ASB5: variants seen among roughly 807,000 people sequenced by gnomAD.
ASB5 encodes ankyrin repeat and SOCS box protein 5.
In ASB5, 45 loss-of-function variants were observed where a neutral mutation model predicts 42.1. The observed-to-expected ratio is 1.07, with a 90% confidence interval of 0.84 to 1.37. The LOEUF (loss-of-function observed/expected upper bound fraction) is 1.37, where lower values mean the gene tolerates loss of function less well. Among genes scored for constraint, ASB5 ranks in the 40% most tolerant of loss-of-function variants. ASB5 has a pLI of 0.00. For missense variants in ASB5, 402 were observed against 399.8 expected (o/e 1.01, Z -0.05); for synonymous variants, 147 against 150.6 (o/e 0.98, Z 0.18).
rs114161633 is a variant in ASB5 at position 176,229,818 on chromosome 4, C to A, written c.197-4477G>T. Among the ~76,000 whole-genome samples, 128 of 152,312 alleles carry A rather than the reference C, an allele frequency of 8.4e-4. 2 individuals carry two copies. Among genetic ancestry groups the A allele is most frequent in the African/African-American group, 2.6e-3 (110 of 41,566 alleles). On this transcript the variant is annotated intron_variant, in intron 1 of 6. Coordinates refer to ENST00000296525, the MANE Select transcript of ASB5 (RefSeq NM_080874.4). ...GAATGTTGGATGAGGGAGCCCTTGG[C>A]CCATCTTGCAGGAACAAGGCACATG...
At chr4:176,249,744 C>T (rs1429740308) in intron 1 of ASB5, among the ~76,000 whole-genome samples, 2 of 152,118 alleles carry the variant, frequency 1.3e-5, no homozygotes, top group Admixed American at 6.5e-5. Context: ...CAACAGCATT[C>T]TTTAAGTGAC....
chr4:176,229,378 T>G (rs1023608315), intron 1 of ASB5, among the ~76,000 whole-genome samples: 1 of 152,176 alleles, frequency 6.6e-6, no homozygotes, highest in Non-Finnish European at 1.5e-5. Flanking sequence ...TAACAATATT[T>G]GTAGCTGAAG....
At chr4:176,242,300 G>C (rs186363615) in intron 1 of ASB5, among the ~76,000 whole-genome samples, 4 of 152,226 alleles carry the variant, frequency 2.6e-5, no homozygotes, top group Admixed American at 1.3e-4. Context: ...CTAGTCTCTT[G>C]TTTTCTCTAT....
At chr4:176,241,992 G>A (rs950947771) in intron 1 of ASB5, among the ~76,000 whole-genome samples, 9 of 152,112 alleles carry the variant, frequency 5.9e-5, no homozygotes, top group East Asian at 1.9e-4. Context: ...CACCTGGGAC[G>A]CGGAAGGGTC....
At chr4:176,231,670 A>AG in intron 1 of ASB5, among the ~76,000 whole-genome samples, 1 of 121,142 alleles carries the variant, frequency 8.3e-6, no homozygotes, top group African/African-American at 3.4e-5. Flanking sequence ...AAAAAAAAAA[A>AG]AAAAAAAATG....
At chr4:176,234,706 G>C (rs1753641354) in intron 1 of ASB5, among the ~76,000 whole-genome samples, 1 of 152,180 alleles carries the variant, frequency 6.6e-6, no homozygotes, top group Non-Finnish European at 1.5e-5. Flanking sequence ...CAGCCGTATG[G>C]AGCTTTGTAA....
intron 1 of ASB5, among the ~76,000 whole-genome samples, chr4:176,242,883 T>C (rs1753838341): frequency 6.6e-6 from 1 of 152,206 alleles, no homozygotes; most frequent in Non-Finnish European, 1.5e-5. Context: ...TAATGATTTC[T>C]ACATTAAAAT....
chr4:176,274,788 T>C lies in ASB5; in HGVS notation c.-90+1008A>G, dbSNP rs556832274. On this transcript the variant is annotated intron_variant, in intron 2 of 2. Transcript: ENST00000505299. Reference sequence around the variant, plus strand: ...AACCATCTCATTTTAACTAACCACATATTTGAAAGACTATTGAAAGGGAAA... The same window carrying C: ...AACCATCTCATTTTAACTAACCACACATTTGAAAGACTATTGAAAGGGAAA... Among the ~76,000 whole-genome samples, 13 of 152,276 alleles carry C rather than the reference T, an allele frequency of 8.5e-5. No homozygotes were observed. In the East Asian group the frequency reaches 2.5e-3, roughly 29 times the overall value.
intron 1 of ASB5, among the ~76,000 whole-genome samples, chr4:176,267,135 G>A (rs1265607450): frequency 6.6e-6 from 1 of 152,178 alleles, no homozygotes; most frequent in African/African-American, 2.4e-5. Flanking sequence ...TGATTATGAA[G>A]TAATGTGCTA....
At chr4:176,252,076 A>G (rs1198979814) in intron 1 of ASB5, among the ~76,000 whole-genome samples, 6 of 42,032 alleles carry the variant, frequency 1.4e-4, no homozygotes, top group Admixed American at 1.2e-3. Context: ...AAAAAAAAAA[A>G]AAAAAAAGAA....
upstream of ASB5, among the ~76,000 whole-genome samples, chr4:176,270,601 A>G (rs1320681477): frequency 1.3e-5 from 2 of 152,234 alleles, no homozygotes; most frequent in Non-Finnish European, 2.9e-5. Context: ...GGCCCCTGGT[A>G]TCATTTTCAG....
intron 1 of ASB5, chr4:176,241,574 C>T (rs781761909): frequency 3.4e-6 from 5 of 1,490,198 alleles, no homozygotes; most frequent in South Asian, 1.3e-5. Flanking sequence ...CCTCATACAA[C>T]CTTTAGGAGT....
intron 1 of ASB5, among the ~76,000 whole-genome samples, chr4:176,235,035 G>A (rs903625331): frequency 6.6e-6 from 1 of 152,160 alleles, no homozygotes; most frequent in Non-Finnish European, 1.5e-5. Context: ...TGAATGTCCA[G>A]TTGAAATTTT....
rs1579303869 is a variant in ASB5 at position 176,214,454 on chromosome 4, C to T, written c.*1146G>A. 1 of 152,116 alleles carries T rather than the reference C, an allele frequency of 6.6e-6. No individual in the cohort carries two copies. The highest frequency in any genetic ancestry group is 3.4e-3 in the Middle Eastern group (1 of 294). 9.4% of individuals were successfully genotyped at this position (152,116 alleles called of 1,614,324 possible). On this transcript the variant is annotated 3_prime_UTR_variant, in exon 7 of 7. Coordinates refer to ENST00000296525, the MANE Select transcript of ASB5 (RefSeq NM_080874.4). ...TTATTGCACTCAAGTATAGTTAAAG[C>T]TGAAGAGAATAAACGTAGTATTTAC... is the stretch of plus-strand genomic sequence containing the variant.
intron 1 of ASB5, among the ~76,000 whole-genome samples, chr4:176,232,936 T>C (rs990045170): frequency 6.6e-6 from 1 of 152,218 alleles, no homozygotes; most frequent in African/African-American, 2.4e-5. Context: ...GGATAGAGCA[T>C]GCTGGATTTA....
rs150458674 is a variant in ASB5, at chr4:176,221,469, C to T, written c.516G>A (p.Thr172=). The T allele has an allele frequency of 2.0e-3, 3,303 of 1,613,508 alleles. 84 individuals are homozygous for T. In the Admixed American group the frequency reaches 0.048, roughly 23 times the overall value. ...AGTTACCTTTACTGGCGGCCTCATG[C>T]GTTGGGGATGGAAGACATGACTCCA... ...AQLESCLPSP[T]HEAASKGHHE... The change falls in exon 4 of 7, where the codon ACG becomes ACA. Residue 172 remains threonine, a synonymous_variant. Coordinates refer to ENST00000296525, the MANE Select transcript of ASB5 (RefSeq NM_080874.4).
At chr4:176,237,240 C>A in intron 1 of ASB5, 1 of 976,722 alleles carries the variant, frequency 1.0e-6, no homozygotes, top group Non-Finnish European at 1.2e-6. Flanking sequence ...CAAAAACAGG[C>A]CAATGTGGTT....
upstream of ASB5, among the ~76,000 whole-genome samples, chr4:176,270,798 A>G (rs936569220): frequency 1.3e-5 from 2 of 152,176 alleles, no homozygotes; most frequent in Non-Finnish European, 2.9e-5. Context: ...TCCCTCTGGC[A>G]TGATGATGCC....
intron 1 of ASB5, among the ~76,000 whole-genome samples, chr4:176,238,105 C>G (rs1318918616): frequency 6.6e-6 from 1 of 151,658 alleles, no homozygotes; most frequent in Non-Finnish European, 1.5e-5. Context: ...CGCCTGTAGT[C>G]CCAGCTACTC....
Sources: gnomAD v4.1 joint callset for allele counts (sites outside exome capture counted in the v4.1 genomes callset) on GRCh38, gnomAD v4.1.1 for gene constraint, MANE v1.5 for transcripts, NCBI Gene and HGNC (gene_info 2026-07-23, HGNC 2026-07-21) for gene names.